GAPVD1: variants seen among roughly 807,000 people sequenced by gnomAD.
GAPVD1 encodes GTPase-activating protein and VPS9 domain-containing protein 1.
In GAPVD1, 35 loss-of-function variants were observed where a neutral mutation model predicts 155.5. That is an observed-to-expected ratio of 0.23 (90% CI 0.17 to 0.30). GAPVD1 has a LOEUF of 0.30. Ranked by LOEUF, GAPVD1 falls within the 10% of genes least tolerant of loss-of-function variation. The pLI, the probability that GAPVD1 is intolerant of heterozygous loss-of-function variation, is 1.00. For missense variants in GAPVD1, 1,429 were observed against 1,775.7 expected (o/e 0.80, Z 3.51); for synonymous variants, 636 against 619.7 (o/e 1.03, Z -0.39).
At position 125,298,943 on chromosome 9, in the gene GAPVD1, A is replaced by T; in HGVS notation, c.22A>T (p.Thr8Ser). Residue 8 changes from threonine (T) to serine (S), a missense_variant, in exon 4 of 28, where the codon ACT becomes TCT. Around this residue, in one of 4 missense-constraint regions of GAPVD1, gnomAD observed 628 missense variants for 733.4 expected, o/e 0.86. Transcript: ENST00000297933. The stretch of plus-strand genomic sequence containing the variant: ...GAAGATGGTGAAACTAGATATTCAT[A>T]CTCTGGCTCATCACCTCAAGCAGGA... MVKLDIH[T>S]LAHHLKQERL... 1.2e-6 allele frequency: 2 copies of T among 1,607,252 alleles called. No individual in the cohort carries two copies. The highest frequency in any genetic ancestry group is 1.7e-6 in the Non-Finnish European group (2 of 1,177,200).
At chr9:125,301,423 TC>T (rs1414192031) in intron 4 of GAPVD1, among the ~76,000 whole-genome samples, 1 of 152,064 alleles carries the variant, frequency 6.6e-6, no homozygotes, top group Non-Finnish European at 1.5e-5. Context: ...GTTTTTAGGA[TC>T]TACAAACTGA....
At chr9:125,271,290 G>T (rs545384000) in intron 2 of GAPVD1, among the ~76,000 whole-genome samples, 2 of 151,934 alleles carry the variant, frequency 1.3e-5, no homozygotes, top group Non-Finnish European at 2.9e-5. Flanking sequence ...GTACACCCAC[G>T]CTGGAGACTA....
chr9:125,330,040 G>T (rs1588983649), intron 12 of GAPVD1, 38 bp from the exon 13 acceptor site: 4 of 1,539,578 alleles, frequency 2.6e-6, no homozygotes, highest in Non-Finnish European at 3.5e-6. Flanking sequence ...TTTCCTCCAG[G>T]ATCTTTGTTA....
At chr9:125,289,408 G>A (rs60236642) in intron 2 of GAPVD1, among the ~76,000 whole-genome samples, 3,991 of 152,236 alleles carry the variant, frequency 0.026, 148 homozygotes, top group African/African-American at 0.083. Flanking sequence ...TGGTGCTTTG[G>A]GACAGGATGG....
At chr9:125,323,514 C>A (rs1844703940) in intron 10 of GAPVD1, among the ~76,000 whole-genome samples, 1 of 152,096 alleles carries the variant, frequency 6.6e-6, no homozygotes, top group African/African-American at 2.4e-5. Context: ...ACCATGTTAG[C>A]CAGGATGGTC....
chr9:125,284,786 C>T (rs1260172916), intron 2 of GAPVD1, among the ~76,000 whole-genome samples: 2 of 152,168 alleles, frequency 1.3e-5, no homozygotes, highest in Admixed American at 6.6e-5. Flanking sequence ...TTCTTCTGGG[C>T]TACAAACCTG....
intron 9 of GAPVD1, among the ~76,000 whole-genome samples, chr9:125,320,015 ATTTATCT>A (rs1472351735): frequency 6.6e-6 from 1 of 152,184 alleles, no homozygotes; most frequent in Non-Finnish European, 1.5e-5. Flanking sequence ...TTTAAAAATC[ATTTATCT>A]TTTAGCTGAC....
intron 15 of GAPVD1, among the ~76,000 whole-genome samples, chr9:125,333,374 C>G (rs910964657): frequency 6.6e-6 from 1 of 151,012 alleles, no homozygotes; most frequent in African/African-American, 2.4e-5. Context: ...GCCACCGCAC[C>G]CGGCCAGTAA....
At chr9:125,272,268 C>T (rs569525066) in intron 2 of GAPVD1, among the ~76,000 whole-genome samples, 4 of 152,182 alleles carry the variant, frequency 2.6e-5, no homozygotes, top group East Asian at 1.9e-4. Context: ...GTGATCCACC[C>T]GCCTCGGCCT....
At chr9:125,344,250 CT>C (rs1347822051) in intron 19 of GAPVD1, among the ~76,000 whole-genome samples, 3 of 152,152 alleles carry the variant, frequency 2.0e-5, no homozygotes, top group African/African-American at 4.8e-5. Flanking sequence ...ATCTCCTAAT[CT>C]TTTTCCATAT....
At chr9:125,278,775 C>T (rs1027735827) in intron 2 of GAPVD1, among the ~76,000 whole-genome samples, 3 of 151,464 alleles carry the variant, frequency 2.0e-5, no homozygotes, top group African/African-American at 7.3e-5. Context: ...ATCAAGGCTG[C>T]AGTGAGCCAT....
chr9:125,359,747 G>T, intron 26 of GAPVD1: 1 of 424,586 alleles, frequency 2.4e-6, no homozygotes, highest in Non-Finnish European at 4.2e-6. Context: ...CCTGCTCTCA[G>T]GGGCAGTACC....
intron 18 of GAPVD1, chr9:125,341,591 C>T (rs969282139): frequency 1.1e-5 from 2 of 181,386 alleles, no homozygotes; most frequent in South Asian, 1.5e-4. Context: ...GAAAATGGGA[C>T]GTTATTGGTA....
At chr9:125,324,015 A>C in intron 11 of GAPVD1, 92 bp downstream of exon 11, 1 of 1,060,024 alleles carries the variant, frequency 9.4e-7, no homozygotes, top group Non-Finnish European at 1.4e-6. Context: ...GGCTTGGTTC[A>C]GTAAGAGATT....
intron 18 of GAPVD1, 89 bp downstream of exon 18, chr9:125,341,353 T>C: frequency 1.5e-6 from 1 of 673,854 alleles, no homozygotes; most frequent in Non-Finnish European, 2.6e-6. Flanking sequence ...TCAACTCCTC[T>C]GTAAGACTTG....
At chr9:125,317,714 A>G (rs1308947966) in intron 9 of GAPVD1, among the ~76,000 whole-genome samples, 2 of 150,040 alleles carry the variant, frequency 1.3e-5, no homozygotes, top group South Asian at 2.1e-4. Flanking sequence ...CTTTAAATCA[A>G]TTTTTTTTTT....
At chr9:125,312,694 G>T in intron 9 of GAPVD1, 82 bp downstream of exon 9, 1 of 1,003,608 alleles carries the variant, frequency 1.0e-6, no homozygotes, top group Middle Eastern at 2.3e-4. Context: ...GAGGTTGGGT[G>T]GCTTATAAAC....
chr9:125,290,784 C>T (rs1362104369), intron 2 of GAPVD1, among the ~76,000 whole-genome samples: 2 of 151,974 alleles, frequency 1.3e-5, no homozygotes, highest in African/African-American at 4.8e-5. Flanking sequence ...ATCACTTGAG[C>T]CCAGGAGTTT....
chr9:125,349,274 G>T (rs1848966671), intron 20 of GAPVD1, 116 bp from the exon 21 acceptor site: 2 of 803,032 alleles, frequency 2.5e-6, no homozygotes, highest in African/African-American at 1.7e-5. Context: ...TTTTTCCAGA[G>T]AACTCTTATT....
Sources: gnomAD v4.1 joint callset for allele counts (sites outside exome capture counted in the v4.1 genomes callset) on GRCh38, gnomAD v4.1.1 for gene constraint, gnomAD v4.1.1 regional missense constraint, MANE v1.5 for transcripts, NCBI Gene and HGNC (gene_info 2026-07-23, HGNC 2026-07-21) for gene names.